Variants in UTRN observed in about 807,000 individuals in gnomAD.
UTRN encodes utrophin.
A neutral mutation model predicts 463.9 loss-of-function variants in UTRN; 283 were observed. The observed-to-expected ratio is 0.61, with a 90% CI of 0.55 to 0.67. The LOEUF is 0.67. Among genes scored for constraint, UTRN ranks in the 30% least tolerant of loss-of-function variants. The pLI, the probability that UTRN is intolerant of heterozygous loss-of-function variation, is 0.00. For synonymous variants in UTRN, 1,442 were observed against 1,431.5 expected, an observed-to-expected ratio of 1.01 and a Z score of -0.17; for missense variants, 3,922 against 4,084.3, an observed-to-expected ratio of 0.96 and a Z score of 1.08.
intron 51 of UTRN, among the ~76,000 whole-genome samples, chr6:144,657,250 CAAAAAAAAAA>C (rs11400052): frequency 0.066 from 4,539 of 68,938 alleles, 269 homozygotes; most frequent in African/African-American, 0.2. Context: ...AACTCCATCT[CAAAAAAAAAA>C]AAAAAAAAAA....
At chr6:144,647,530 G>A (rs1004996636) in intron 51 of UTRN, among the ~76,000 whole-genome samples, 1 of 152,242 alleles carries the variant, frequency 6.6e-6, no homozygotes, top group Non-Finnish European at 1.5e-5. Context: ...GGTTACAAGA[G>A]CTTGCTGTAA....
chr6:144,397,266 G>T (rs1782525135), intron 2 of UTRN, among the ~76,000 whole-genome samples: 1 of 151,926 alleles, frequency 6.6e-6, no homozygotes, highest in South Asian at 2.1e-4. Context: ...ATGTTCCTCT[G>T]ATGCTGAACA....
chr6:144,502,539 T>C (rs1296004240), intron 34 of UTRN, among the ~76,000 whole-genome samples: 2 of 152,204 alleles, frequency 1.3e-5, no homozygotes, highest in African/African-American at 4.8e-5. Context: ...GTTAGTTTAC[T>C]GAGAATGATG....
chr6:144,407,316 A>G (rs1200231356), intron 3 of UTRN, among the ~76,000 whole-genome samples: 1 of 152,176 alleles, frequency 6.6e-6, no homozygotes, highest in East Asian at 1.9e-4. Flanking sequence ...CTAATTCTAT[A>G]TGTTCATAAG....
chr6:144,424,933 A>G (rs1270861274), intron 6 of UTRN, among the ~76,000 whole-genome samples: 1 of 152,210 alleles, frequency 6.6e-6, no homozygotes, highest in Non-Finnish European at 1.5e-5. Flanking sequence ...TTGATTATTA[A>G]ATATGAAAAC....
chr6:144,389,612 C>G (rs1002834837), intron 2 of UTRN, among the ~76,000 whole-genome samples: 7 of 151,086 alleles, frequency 4.6e-5, no homozygotes, highest in Admixed American at 1.3e-4. Flanking sequence ...TTTTTTTCCC[C>G]CCCTGAGACG....
At chr6:144,365,071 G>A (rs1331270145) in intron 2 of UTRN, among the ~76,000 whole-genome samples, 1 of 152,144 alleles carries the variant, frequency 6.6e-6, no homozygotes, top group Non-Finnish European at 1.5e-5. Flanking sequence ...CAGGACATGG[G>A]CCTCTTTTGC....
chr6:144,357,701 C>A (rs1373140914), intron 2 of UTRN, among the ~76,000 whole-genome samples: 1 of 152,250 alleles, frequency 6.6e-6, no homozygotes, highest in Non-Finnish European at 1.5e-5. Context: ...ACTCTGACAG[C>A]CTTATTTTTT....
intron 33 of UTRN, among the ~76,000 whole-genome samples, chr6:144,494,918 A>G (rs1055390369): frequency 6.6e-6 from 1 of 151,830 alleles, no homozygotes; most frequent in Non-Finnish European, 1.5e-5. Flanking sequence ...CTAGATACAG[A>G]GTGTGGATTG....
chr6:144,701,182 C>T (rs1784556809), intron 53 of UTRN, among the ~76,000 whole-genome samples: 1 of 152,166 alleles, frequency 6.6e-6, no homozygotes, highest in Admixed American at 6.5e-5. Flanking sequence ...GCTGGGATTA[C>T]AGGCATGAGC....
At chr6:144,506,804 T>C (rs567496112) in intron 34 of UTRN, among the ~76,000 whole-genome samples, 9 of 152,276 alleles carry the variant, frequency 5.9e-5, no homozygotes, top group African/African-American at 2.2e-4. Flanking sequence ...AGTTGAATGT[T>C]GGCCTGTCTT....
intron 33 of UTRN, among the ~76,000 whole-genome samples, chr6:144,495,604 G>T (rs1793564745): frequency 6.6e-6 from 1 of 152,348 alleles, no homozygotes; most frequent in East Asian, 1.9e-4. Context: ...TGCAGCGGTG[G>T]GCTGAAGAGC....
rs1361267568 is a variant in UTRN, at chr6:144,426,476, T to C, written c.578+17T>C. The C allele has an allele frequency of 4.4e-6, 7 of 1,602,960 alleles. No individual in the cohort carries two copies. The Admixed American group carries it at 1.2e-4, about 27-fold the overall frequency. The stretch of plus-strand genomic sequence containing the variant: ...CCGACATAAGTGAGACATTACTCTA[T>C]CTAGAAGTGGGCTTTACAAATTCAT... On this transcript the variant is annotated intron_variant, in intron 7 of 74. Transcript: ENST00000367545.
chr6:144,613,676 T>G (rs1255609038), intron 51 of UTRN, among the ~76,000 whole-genome samples: 1 of 151,960 alleles, frequency 6.6e-6, no homozygotes, highest in Non-Finnish European at 1.5e-5. Context: ...ATGACCTATA[T>G]GCTGATTGTG....
intron 19 of UTRN, 59 bp downstream of exon 19, chr6:144,453,928 C>T: frequency 2.8e-6 from 4 of 1,450,768 alleles, no homozygotes; most frequent in Non-Finnish European, 3.8e-6. Flanking sequence ...AATAATATTA[C>T]AGTTTGCCCT....
chr6:144,819,813 TATC>T (rs1434446003), intron 65 of UTRN, among the ~76,000 whole-genome samples: 1 of 151,908 alleles, frequency 6.6e-6, no homozygotes, highest in Admixed American at 6.6e-5. Flanking sequence ...CAAATATACT[TATC>T]ATTCAGTGTC....
At chr6:144,530,352 C>T (rs548909512) in intron 41 of UTRN, among the ~76,000 whole-genome samples, 1 of 152,146 alleles carries the variant, frequency 6.6e-6, no homozygotes, top group African/African-American at 2.4e-5. Flanking sequence ...AGACTAGAGC[C>T]CCACACTTAT....
At chr6:144,802,055 G>A (rs77011436) in intron 64 of UTRN, among the ~76,000 whole-genome samples, 2,711 of 152,320 alleles carry the variant, frequency 0.018, 69 homozygotes, top group African/African-American at 0.059. Flanking sequence ...TGTGCTAACA[G>A]TACAAGGGTA....
At chr6:144,433,827 C>T (rs1448963745) in intron 9 of UTRN, among the ~76,000 whole-genome samples, 2 of 151,228 alleles carry the variant, frequency 1.3e-5, no homozygotes, top group Non-Finnish European at 2.9e-5. Context: ...GATGGGATGG[C>T]GGCCGGGCAG....
Sources: gnomAD v4.1 joint callset for allele counts (sites outside exome capture counted in the v4.1 genomes callset) on GRCh38, gnomAD v4.1.1 for gene constraint, MANE v1.5 for transcripts, NCBI Gene and HGNC (gene_info 2026-07-23, HGNC 2026-07-21) for gene names.